The following ZBTB20 variants were observed in gnomAD, a reference collection of about 807,000 sequenced individuals.
ZBTB20 encodes the protein zinc finger and BTB domain containing 20.
In ZBTB20, 9 loss-of-function variants were observed where a neutral mutation model predicts 56.9. The ratio of observed to expected loss-of-function variants is 0.16; its 90% CI spans 0.10 to 0.28. The LOEUF (loss-of-function observed/expected upper bound fraction) is 0.28, where lower values mean the gene tolerates loss of function less well. Ranked by LOEUF, ZBTB20 falls within the 10% of genes least tolerant of loss-of-function variation. The pLI, the probability that ZBTB20 is intolerant of heterozygous loss-of-function variation, is 1.00. For synonymous variants in ZBTB20, 417 were observed against 420.7 expected, an observed-to-expected ratio of 0.99 and a Z score of 0.11; for missense variants, 655 against 1,003.0, an observed-to-expected ratio of 0.65 and a Z score of 4.69.
chr3:114,839,439 G>GAAAGAAAGAAAGAAAC, intron 4 of ZBTB20, among the ~76,000 whole-genome samples: 1 of 148,786 alleles, frequency 6.7e-6, no homozygotes, highest in Non-Finnish European at 1.5e-5. Flanking sequence ...AAGAAAGAAA[G>GAAAGAAAGAAAGAAAC]AAAGAAAGAA....
intron 3 of ZBTB20, among the ~76,000 whole-genome samples, chr3:114,971,086 T>G (rs2108031048): frequency 6.6e-6 from 1 of 152,312 alleles, no homozygotes; most frequent in Admixed American, 6.5e-5. Context: ...GGTACAATTA[T>G]GAGTATCAAA....
In ZBTB20 at chr3:114,767,212, C is replaced by G. The variant is rs150649410; in HGVS notation, c.-343+33889G>C. On this transcript the variant is annotated intron_variant, in intron 5 of 11. Transcript: ENST00000675478. ...TAGATGATGATATTCAAGTAGGGAC[C>G]CAAAATGTTAAAAACGAAGATAAGG... 4.7e-3 allele frequency among the ~76,000 whole-genome samples: 713 copies of G among 151,842 alleles called. 4 individuals carry two copies. Among genetic ancestry groups the G allele is most frequent in the South Asian group, 0.026 (124 of 4,798 alleles).
At chr3:114,449,683 T>TA (rs11439656) in intron 7 of ZBTB20, among the ~76,000 whole-genome samples, 76,481 of 134,534 alleles carry the variant, frequency 0.57, 24,490 homozygotes, top group Non-Finnish European at 0.74. Flanking sequence ...AGCCTAGCTT[T>TA]AAAAAAAAAA....
intron 5 of ZBTB20, among the ~76,000 whole-genome samples, chr3:114,699,883 G>C (rs1334255541): frequency 6.6e-6 from 1 of 152,054 alleles, no homozygotes; most frequent in Non-Finnish European, 1.5e-5. Flanking sequence ...TTTTGAGGCA[G>C]AGCTGGGACT....
intron 1 of ZBTB20, among the ~76,000 whole-genome samples, chr3:115,104,051 G>A (rs1222342454): frequency 1.3e-5 from 2 of 152,116 alleles, no homozygotes; most frequent in Non-Finnish European, 2.9e-5. Flanking sequence ...CTTTAACAGT[G>A]ACCTCACCAA....
chr3:114,825,701 T>G (rs868560854), intron 4 of ZBTB20, among the ~76,000 whole-genome samples: 5 of 151,900 alleles, frequency 3.3e-5, no homozygotes, highest in African/African-American at 1.2e-4. Flanking sequence ...TACTGTCTAT[T>G]CACAGATAAC....
intron 3 of ZBTB20, among the ~76,000 whole-genome samples, chr3:114,906,902 A>T (rs2075339970): frequency 6.6e-6 from 1 of 151,838 alleles, no homozygotes; most frequent in South Asian, 2.1e-4. Context: ...AGATTTCAAC[A>T]TGATACAAAA....
At chr3:114,519,746 G>C (rs1461692411) in intron 6 of ZBTB20, 1 of 152,188 alleles carries the variant, frequency 6.6e-6, no homozygotes, top group African/African-American at 2.4e-5. Flanking sequence ...ACACGAGAAA[G>C]AAAGTGAGAC....
chr3:115,144,301 T>C (rs1026554996), intron 1 of ZBTB20, among the ~76,000 whole-genome samples: 3 of 152,184 alleles, frequency 2.0e-5, no homozygotes, highest in African/African-American at 7.2e-5. Context: ...CTGGCCTTTT[T>C]TTCTAGAAAG....
intron 2 of ZBTB20, among the ~76,000 whole-genome samples, chr3:115,039,052 CA>C (rs1325689314): frequency 3.3e-5 from 5 of 151,974 alleles, no homozygotes; most frequent in African/African-American, 1.2e-4. Flanking sequence ...CCAGTAAGGT[CA>C]AATATGAGTC....
intron 6 of ZBTB20, among the ~76,000 whole-genome samples, chr3:114,627,402 T>C (rs1025725920): frequency 3.3e-5 from 5 of 152,204 alleles, no homozygotes; most frequent in Non-Finnish European, 5.9e-5. Context: ...GTCCCACATA[T>C]GGCCCAAGTT....
In ZBTB20 at chr3:114,337,309, G is replaced by A. The variant is rs1365219024; in HGVS notation, c.*1696C>T. 6.6e-6 allele frequency: 1 copy of A among 152,168 alleles called. No individual in the cohort carries two copies. Among genetic ancestry groups the A allele is most frequent in the Non-Finnish European group, 1.5e-5 (1 of 68,032 alleles). 9.4% of individuals were successfully genotyped at this position (152,168 alleles called of 1,614,324 possible). A position where few individuals can be genotyped will look rare whatever the true frequency, so the allele number is the denominator to read the frequency against. On this transcript the variant is annotated 3_prime_UTR_variant, in exon 12 of 12. Transcript: ENST00000675478. ...ATGATGCTCTTTGTAGTTGGGAAGG[G>A]TGAGGAGCTATGGCAGAGTTTTGTG... is the stretch of plus-strand genomic sequence containing the variant.
rs1292601966 is a variant in ZBTB20, at chr3:114,337,231, G to T, written c.*1774C>A. 1.3e-5 allele frequency: 2 copies of T among 152,124 alleles called. No individual in the cohort carries two copies. The highest frequency in any genetic ancestry group is 2.9e-5 in the Non-Finnish European group (2 of 68,006). 9.4% of individuals were successfully genotyped at this position (152,124 alleles called of 1,614,324 possible). A position where few individuals can be genotyped will look rare whatever the true frequency, so the allele number is the denominator to read the frequency against. ...ACAGTCAGAAGGTGATATTTGGAAG[G>T]AAAAAAGTAATTTTGGCATCAATGC... On this transcript the variant is annotated 3_prime_UTR_variant, in exon 12 of 12. Coordinates refer to ENST00000675478, the MANE Select transcript of ZBTB20 (RefSeq NM_001348800.3).
chr3:115,104,769 A>ATT (rs1476121318), intron 1 of ZBTB20, among the ~76,000 whole-genome samples: 2 of 152,222 alleles, frequency 1.3e-5, no homozygotes, highest in African/African-American at 4.8e-5. Context: ...TACTTTGTAT[A>ATT]ATACAATAGT....
At chr3:114,901,029 A>G (rs1259310165) in intron 3 of ZBTB20, among the ~76,000 whole-genome samples, 1 of 152,206 alleles carries the variant, frequency 6.6e-6, no homozygotes, top group Non-Finnish European at 1.5e-5. Context: ...GCAGTTTACA[A>G]TTAGACCTGA....
chr3:114,753,065 G>T (rs1482966617), intron 5 of ZBTB20, among the ~76,000 whole-genome samples: 2 of 151,938 alleles, frequency 1.3e-5, no homozygotes, highest in South Asian at 2.1e-4. Flanking sequence ...CACAAGAAGT[G>T]TCTTGAATTT....
At chr3:114,963,264 A>G (rs1266136995) in intron 3 of ZBTB20, among the ~76,000 whole-genome samples, 1 of 152,126 alleles carries the variant, frequency 6.6e-6, no homozygotes, top group Non-Finnish European at 1.5e-5. Flanking sequence ...AGTCAATATT[A>G]GGTTTAATTA....
chr3:114,843,013 C>T (rs1441582448), intron 4 of ZBTB20, among the ~76,000 whole-genome samples: 1 of 152,120 alleles, frequency 6.6e-6, no homozygotes, highest in Non-Finnish European at 1.5e-5. Context: ...AGATTTGATG[C>T]TTTTAAAGTT....
chr3:114,942,163 T>C (rs1448482332), intron 3 of ZBTB20, among the ~76,000 whole-genome samples: 1 of 145,810 alleles, frequency 6.9e-6, no homozygotes, highest in Non-Finnish European at 1.5e-5. Flanking sequence ...CGTTATAGCC[T>C]CCTAGTCTAT....
Sources: gnomAD v4.1 joint callset for allele counts (sites outside exome capture counted in the v4.1 genomes callset) on GRCh38, gnomAD v4.1.1 for gene constraint, MANE v1.5 for transcripts, NCBI Gene and HGNC (gene_info 2026-07-23, HGNC 2026-07-21) for gene names.